Variants in SNAP91 observed in about 807,000 individuals in gnomAD.
The protein encoded by SNAP91 is clathrin coat assembly protein AP180.
In SNAP91, 27 loss-of-function variants were observed where a neutral mutation model predicts 100.3. The observed-to-expected ratio is 0.27, with a 90% CI of 0.20 to 0.37. The LOEUF is 0.37. Ranked by LOEUF, SNAP91 falls within the 10% of genes least tolerant of loss-of-function variation. The probability of loss-of-function intolerance (pLI) is 1.00; values close to 1 mark genes in which losing one functional copy is unlikely to be tolerated. For synonymous variants in SNAP91, 404 were observed against 398.6 expected (o/e 1.01, Z -0.16); for missense variants, 986 against 1,123.7 (o/e 0.88, Z 1.75).
chr6:83,683,174 A>G (rs1175312897), intron 2 of SNAP91, among the ~76,000 whole-genome samples: 1 of 152,000 alleles, frequency 6.6e-6, no homozygotes, highest in Non-Finnish European at 1.5e-5. Context: ...TTTCCTTCTC[A>G]GCCTTCATTA....
chr6:83,651,070 T>C (rs543467273), intron 7 of SNAP91, among the ~76,000 whole-genome samples: 2 of 152,318 alleles, frequency 1.3e-5, no homozygotes, highest in East Asian at 1.9e-4. Context: ...TATTCTCTTA[T>C]CTTTTTAACA....
intron 9 of SNAP91, among the ~76,000 whole-genome samples, chr6:83,617,518 G>A (rs975336637): frequency 6.6e-6 from 1 of 151,588 alleles, no homozygotes; most frequent in Non-Finnish European, 1.5e-5. Context: ...TTAAAAAGGT[G>A]GTGAGTGAGA....
chr6:83,592,541 G>A lies in SNAP91; in HGVS notation c.1847-3C>T, dbSNP rs560752250. 1.3e-4 allele frequency: 201 copies of A among 1,603,634 alleles called. 2 individuals are homozygous for A. The South Asian group carries it at 2.2e-3, about 17-fold the overall frequency. ...AGATGGTGCTGCAAATGCATCCACT[G>A]CAGTGAAGCACAGACAGGAAAAAGT... On this transcript the variant is annotated splice_region_variant and splice_polypyrimidine_tract_variant and intron_variant, in intron 20 of 29. Coordinates refer to ENST00000369694, the MANE Select transcript of SNAP91 (RefSeq NM_001242792.2).
chr6:83,660,335 A>G (rs1161391386), intron 5 of SNAP91, among the ~76,000 whole-genome samples: 1 of 152,206 alleles, frequency 6.6e-6, no homozygotes. Flanking sequence ...TTCATCTACA[A>G]TAAATTATTT....
chr6:83,703,721 A>C (rs1305984113), intron 2 of SNAP91, among the ~76,000 whole-genome samples: 1 of 152,200 alleles, frequency 6.6e-6, no homozygotes, highest in African/African-American at 2.4e-5. Flanking sequence ...CATCAGATTC[A>C]GAACTTGAAG....
intron 14 of SNAP91, among the ~76,000 whole-genome samples, chr6:83,602,986 C>T (rs1336380299): frequency 6.6e-6 from 1 of 152,040 alleles, no homozygotes; most frequent in African/African-American, 2.4e-5. Flanking sequence ...TATCCCAGAA[C>T]TTAAAGTTAA....
intron 28 of SNAP91, among the ~76,000 whole-genome samples, chr6:83,556,799 G>A (rs185521107): frequency 2.0e-5 from 3 of 152,082 alleles, no homozygotes; most frequent in Non-Finnish European, 4.4e-5. Context: ...AATAGGAAAC[G>A]GTTTGCAGAA....
At chr6:83,677,509 G>A (rs908283154) in intron 2 of SNAP91, among the ~76,000 whole-genome samples, 1 of 152,150 alleles carries the variant, frequency 6.6e-6, no homozygotes, top group Non-Finnish European at 1.5e-5. Flanking sequence ...CTTCAGAAGG[G>A]GATGGTGGAG....
chr6:83,682,690 G>A (rs573496856), intron 2 of SNAP91, among the ~76,000 whole-genome samples: 30 of 151,600 alleles, frequency 2.0e-4, no homozygotes, highest in African/African-American at 7.0e-4. Context: ...CCATTAACTC[G>A]TCATTTAGCA....
intron 10 of SNAP91, among the ~76,000 whole-genome samples, chr6:83,616,283 G>GA (rs1416120305): frequency 6.6e-6 from 1 of 151,982 alleles, no homozygotes; most frequent in Non-Finnish European, 1.5e-5. Context: ...ACAAAGATTG[G>GA]AAAACACCAG....
At chr6:83,559,532 G>A (rs1783874867) in intron 28 of SNAP91, among the ~76,000 whole-genome samples, 2 of 152,164 alleles carry the variant, frequency 1.3e-5, no homozygotes, top group African/African-American at 4.8e-5. Flanking sequence ...CCTGAGTTCT[G>A]TGAATCATTC....
intron 2 of SNAP91, among the ~76,000 whole-genome samples, chr6:83,697,525 T>G (rs2099235121): frequency 6.6e-6 from 1 of 152,188 alleles, no homozygotes; most frequent in Admixed American, 6.5e-5. Context: ...ATTTACCAAT[T>G]TTCTCATTGT....
At chr6:83,565,442 T>G (rs1186690319) in intron 26 of SNAP91, among the ~76,000 whole-genome samples, 1 of 152,194 alleles carries the variant, frequency 6.6e-6, no homozygotes, top group Non-Finnish European at 1.5e-5. Context: ...AATATATTGT[T>G]CCTTTGCTAA....
intron 1 of SNAP91, 34 bp from the exon 2 acceptor site, chr6:83,707,991 A>G: frequency 6.7e-7 from 1 of 1,502,918 alleles, no homozygotes; most frequent in East Asian, 2.5e-5. Context: ...TCCGGCTTTA[A>G]TCCGCAGACC....
Position 83,665,087 on chromosome 6 carries a change from A to G in SNAP91, c.273+352T>C, listed in dbSNP as rs533123337. 1.1e-4 allele frequency among the ~76,000 whole-genome samples: 16 copies of G among 152,248 alleles called. No homozygotes were observed. In the South Asian group the frequency reaches 2.5e-3, roughly 24 times the overall value. ...GACATAATACTATTGCACACTTAAT[A>G]GAGTACAGTATAAATGTAAATGTAA... is the stretch of plus-strand genomic sequence containing the variant. On this transcript the variant is annotated intron_variant, in intron 3 of 29. Transcript: ENST00000369694.
At chr6:83,698,752 C>T (rs1388673846) in intron 2 of SNAP91, among the ~76,000 whole-genome samples, 2 of 152,066 alleles carry the variant, frequency 1.3e-5, no homozygotes, top group Admixed American at 1.3e-4. Context: ...ACCCTTAGGG[C>T]AATATATGTT....
intron 22 of SNAP91, among the ~76,000 whole-genome samples, chr6:83,585,650 T>C (rs2092396794): frequency 6.6e-6 from 1 of 152,072 alleles, no homozygotes; most frequent in African/African-American, 2.4e-5. Flanking sequence ...CCAACTGTTT[T>C]CAGGTACTCA....
chr6:83,670,126 A>T (rs1220384325), intron 2 of SNAP91, among the ~76,000 whole-genome samples: 1 of 152,000 alleles, frequency 6.6e-6, no homozygotes, highest in Non-Finnish European at 1.5e-5. Context: ...CCAAGTTCAA[A>T]TATTTAATTT....
intron 26 of SNAP91, among the ~76,000 whole-genome samples, chr6:83,561,218 A>G (rs1787039646): frequency 6.6e-6 from 1 of 152,054 alleles, no homozygotes; most frequent in Non-Finnish European, 1.5e-5. Context: ...AATTTTTAAA[A>G]ATTTTTTTGT....
Sources: gnomAD v4.1 joint callset for allele counts (sites outside exome capture counted in the v4.1 genomes callset) on GRCh38, gnomAD v4.1.1 for gene constraint, MANE v1.5 for transcripts, NCBI Gene and HGNC (gene_info 2026-07-23, HGNC 2026-07-21) for gene names.